PAN3: variants seen among roughly 807,000 people sequenced by gnomAD.
PAN3 encodes the protein poly(A) specific ribonuclease subunit PAN3.
In PAN3, 19 loss-of-function variants were observed where a neutral mutation model predicts 96.2. The ratio of observed to expected loss-of-function variants is 0.20; its 90% CI spans 0.14 to 0.29. PAN3 has a LOEUF of 0.29. PAN3 is among the 10% of genes least tolerant of loss of function. The probability of loss-of-function intolerance (pLI) is 1.00; values close to 1 mark genes in which losing one functional copy is unlikely to be tolerated. For missense variants in PAN3, 882 were observed against 1,108.1 expected (o/e 0.80, Z 2.90); for synonymous variants, 433 against 406.6 (o/e 1.06, Z -0.78).
At chr13:28,271,921 G>A in intron 13 of PAN3, 60 bp from the exon 14 acceptor site, 2 of 1,191,588 alleles carry the variant, frequency 1.7e-6, no homozygotes, top group Non-Finnish European at 2.3e-6. Flanking sequence ...TTTTCCATGA[G>A]TATGCAATTT....
At chr13:28,266,316 T>C (rs1302201530) in intron 9 of PAN3, among the ~76,000 whole-genome samples, 3 of 152,196 alleles carry the variant, frequency 2.0e-5, no homozygotes, top group African/African-American at 2.4e-5. Flanking sequence ...TGGTGTTCAA[T>C]TGGAAAACAT....
At chr13:28,233,656 AAATT>A (rs1345832761) in intron 6 of PAN3, among the ~76,000 whole-genome samples, 3 of 152,152 alleles carry the variant, frequency 2.0e-5, no homozygotes, top group African/African-American at 7.2e-5. Context: ...TTTATGTTGC[AAATT>A]AATTTTGTGT....
chr13:28,163,640 A>T (rs1422188048), intron 1 of PAN3, among the ~76,000 whole-genome samples: 2 of 152,198 alleles, frequency 1.3e-5, no homozygotes, highest in Non-Finnish European at 2.9e-5. Flanking sequence ...TTTCTTTCTC[A>T]TCATACCTGA....
chr13:28,227,587 TAG>T (rs1480682052), intron 6 of PAN3, among the ~76,000 whole-genome samples: 2 of 152,182 alleles, frequency 1.3e-5, no homozygotes, highest in African/African-American at 4.8e-5. Flanking sequence ...TTCTGTGTTT[TAG>T]AGTCTTCAGT....
At chr13:28,216,941 C>G (rs1217620775) in intron 5 of PAN3, among the ~76,000 whole-genome samples, 1 of 151,326 alleles carries the variant, frequency 6.6e-6, no homozygotes, top group African/African-American at 2.4e-5. Context: ...CATGGTGAAA[C>G]CCCATCTCCA....
chr13:28,275,525 G>A (rs1331931699), intron 14 of PAN3, among the ~76,000 whole-genome samples: 1 of 152,116 alleles, frequency 6.6e-6, no homozygotes, highest in African/African-American at 2.4e-5. Flanking sequence ...ACAATCTTTG[G>A]TATGCTTTGC....
chr13:28,206,315 CTTTTTTTTTTTT>C (rs71086837), intron 5 of PAN3, among the ~76,000 whole-genome samples: 1 of 94,946 alleles, frequency 1.1e-5, no homozygotes, highest in Non-Finnish European at 2.0e-5. Context: ...GTCTAACTGA[CTTTTTTTTTTTT>C]TTTTTTTTTT....
At chr13:28,165,393 G>T (rs961303939) in intron 1 of PAN3, among the ~76,000 whole-genome samples, 4 of 151,332 alleles carry the variant, frequency 2.6e-5, no homozygotes, top group Admixed American at 6.6e-5. Flanking sequence ...AAAGTGCTGG[G>T]ATTACAGACA....
At chr13:28,274,241 A>G (rs1382722810) in intron 14 of PAN3, among the ~76,000 whole-genome samples, 1 of 152,090 alleles carries the variant, frequency 6.6e-6, no homozygotes, top group Admixed American at 6.6e-5. Flanking sequence ...ATCTGGAGAC[A>G]TTGTTTCTTA....
intron 5 of PAN3, chr13:28,215,962 T>C: frequency 1.1e-6 from 1 of 898,700 alleles, no homozygotes; most frequent in Non-Finnish European, 1.8e-6. Flanking sequence ...TCAGGACTGT[T>C]AGTTTCAGTT....
At chr13:28,145,168 T>C in intron 1 of PAN3, among the ~76,000 whole-genome samples, 1 of 152,210 alleles carries the variant, frequency 6.6e-6, no homozygotes, top group East Asian at 1.9e-4. Context: ...TAGTAACATC[T>C]TTTGTAGCTG....
chr13:28,198,663 T>TAA (rs1878356130), intron 5 of PAN3, among the ~76,000 whole-genome samples: 2 of 152,222 alleles, frequency 1.3e-5, no homozygotes, highest in South Asian at 4.1e-4. Flanking sequence ...AATATTGTTT[T>TAA]ATTAACCAAA....
rs558580519 is a variant in PAN3, at chr13:28,290,420, G to A, written c.2524-1962G>A. Among the ~76,000 whole-genome samples the A allele has an allele frequency of 5.1e-4, 78 of 152,220 alleles. No individual in the cohort carries two copies. In the Middle Eastern group the frequency reaches 0.01, roughly 20 times the overall value. On this transcript the variant is annotated intron_variant, in intron 18 of 18. Coordinates refer to ENST00000380958, the MANE Select transcript of PAN3 (RefSeq NM_175854.8). ...AAACTGGCCAGGCTCGGTGTCTCAC[G>A]CCTGTAATCCCAGCACTTTGGGAGG...
At chr13:28,262,070 C>A (rs9551456) in intron 9 of PAN3, among the ~76,000 whole-genome samples, 20,544 of 152,032 alleles carry the variant, frequency 0.14, 1,628 homozygotes, top group East Asian at 0.32. Flanking sequence ...TACTGTGTGC[C>A]AGACAGTATA....
intron 6 of PAN3, among the ~76,000 whole-genome samples, chr13:28,241,621 CAAAG>C (rs1424368681): frequency 6.7e-6 from 1 of 150,278 alleles, no homozygotes; most frequent in Non-Finnish European, 1.5e-5. Context: ...TAAGGAAAAT[CAAAG>C]AAGAGACTTT....
chr13:28,197,451 A>G lies in PAN3; in HGVS notation c.852+105A>G. 5.4e-6 allele frequency: 6 copies of G among 1,103,008 alleles called. No individual in the cohort carries two copies. In the South Asian group the frequency reaches 1.1e-4, roughly 20 times the overall value. 68.3% of individuals were successfully genotyped at this position (1,103,008 alleles called of 1,614,324 possible). On this transcript the variant is annotated intron_variant, in intron 5 of 18. Transcript: ENST00000380958. ...GAAAGGATTGGATGACTTAGCTGGT[A>G]TACTTAGGTAATTAAAAAAATTTTT... is the stretch of plus-strand genomic sequence containing the variant.
chr13:28,221,712 A>G (rs185510191), intron 6 of PAN3, among the ~76,000 whole-genome samples: 16 of 151,908 alleles, frequency 1.1e-4, no homozygotes, highest in Admixed American at 6.5e-4. Flanking sequence ...CTTTTCTTCT[A>G]CTTTGGTTTT....
chr13:28,253,355 T>G (rs913807954), intron 6 of PAN3, among the ~76,000 whole-genome samples: 1 of 152,192 alleles, frequency 6.6e-6, no homozygotes, highest in African/African-American at 2.4e-5. Flanking sequence ...AGTATTGTCT[T>G]CATAATACTA....
intron 12 of PAN3, among the ~76,000 whole-genome samples, chr13:28,269,784 T>G (rs914166881): frequency 5.3e-5 from 8 of 152,208 alleles, no homozygotes; most frequent in Admixed American, 6.5e-5. Flanking sequence ...AATTGAGAGA[T>G]AATTATTTTT....
Sources: gnomAD v4.1 joint callset for allele counts (sites outside exome capture counted in the v4.1 genomes callset) on GRCh38, gnomAD v4.1.1 for gene constraint, MANE v1.5 for transcripts, NCBI Gene and HGNC (gene_info 2026-07-23, HGNC 2026-07-21) for gene names.